The following PDE1A variants were observed in gnomAD, a reference collection of about 807,000 sequenced individuals.
The protein encoded by PDE1A is dual specificity calcium/calmodulin-dependent 3',5'-cyclic nucleotide phosphodiesterase 1A.
In PDE1A, 35 loss-of-function variants were observed where a neutral mutation model predicts 61.7. That is an observed-to-expected ratio of 0.57 (90% CI 0.43 to 0.75). PDE1A has a LOEUF of 0.75. PDE1A is among the 30% of genes least tolerant of loss of function. The pLI, the probability that PDE1A is intolerant of heterozygous loss-of-function variation, is 0.00. For synonymous variants in PDE1A, 232 were observed against 213.2 expected (o/e 1.09, Z -0.77); for missense variants, 597 against 630.6 (o/e 0.95, Z 0.57).
intron 1 of PDE1A, among the ~76,000 whole-genome samples, chr2:182,387,235 T>A (rs1013945967): frequency 3.3e-5 from 5 of 151,734 alleles, no homozygotes; most frequent in Admixed American, 3.3e-4. Flanking sequence ...TCGTTAAGAG[T>A]CATCACCACT....
the PDE1A span, among the ~76,000 whole-genome samples, chr2:182,549,241 T>C: frequency 2.6e-5 from 4 of 152,138 alleles, no homozygotes; most frequent in Non-Finnish European, 5.9e-5. Flanking sequence ...CGATTTCTAT[T>C]GTATGTTTCA....
chr2:182,707,629 T>C, the PDE1A span, among the ~76,000 whole-genome samples: 1 of 152,160 alleles, frequency 6.6e-6, no homozygotes, highest in Non-Finnish European at 1.5e-5. Flanking sequence ...AGAAATTACA[T>C]ACATAATTTT....
upstream of PDE1A, among the ~76,000 whole-genome samples, chr2:182,525,004 A>C (rs1345952562): frequency 6.6e-6 from 1 of 151,868 alleles, no homozygotes; most frequent in Non-Finnish European, 1.5e-5. Context: ...TATACTCTAA[A>C]TCTAGACTAC....
chr2:182,586,878 T>C, the PDE1A span, among the ~76,000 whole-genome samples: 3 of 152,222 alleles, frequency 2.0e-5, no homozygotes, highest in Non-Finnish European at 4.4e-5. Flanking sequence ...GGTTGCCCTA[T>C]CCTAAAGTCT....
the PDE1A span, among the ~76,000 whole-genome samples, chr2:182,637,981 G>A: frequency 3.3e-5 from 5 of 151,910 alleles, no homozygotes; most frequent in Admixed American, 6.6e-5. Context: ...TATCACAGAC[G>A]GGAAGAAACA....
intron 13 of PDE1A, among the ~76,000 whole-genome samples, chr2:182,185,167 T>C (rs1305116451): frequency 2.0e-5 from 3 of 152,052 alleles, no homozygotes; most frequent in Non-Finnish European, 4.4e-5. Flanking sequence ...ACAAAGACCC[T>C]GGAGTATTTT....
chr2:182,179,138 A>G (rs1040093940), intron 13 of PDE1A, among the ~76,000 whole-genome samples: 2 of 152,202 alleles, frequency 1.3e-5, no homozygotes, highest in Non-Finnish European at 2.9e-5. Flanking sequence ...GCTAGAAACT[A>G]TGTTTGGTCA....
chr2:182,209,418 T>C (rs1281704854), intron 7 of PDE1A, among the ~76,000 whole-genome samples: 2 of 151,612 alleles, frequency 1.3e-5, no homozygotes, highest in Non-Finnish European at 2.9e-5. Context: ...CAATTCAACA[T>C]GAGATTTGGA....
At chr2:182,506,860 C>A (rs1032655516) in intron 2 of PDE1A, among the ~76,000 whole-genome samples, 3 of 152,172 alleles carry the variant, frequency 2.0e-5, no homozygotes, top group Non-Finnish European at 4.4e-5. Context: ...AGGATATGAA[C>A]CATCTTCTTT....
chr2:182,490,018 GAGA>G (rs199545201), intron 2 of PDE1A, among the ~76,000 whole-genome samples: 634 of 57,206 alleles, frequency 0.011, 2 homozygotes, highest in African/African-American at 0.052. Flanking sequence ...AAAGAAAACT[GAGA>G]AGGAGTAGCC....
the PDE1A span, among the ~76,000 whole-genome samples, chr2:182,534,497 C>A: frequency 6.6e-6 from 1 of 151,658 alleles, no homozygotes; most frequent in East Asian, 1.9e-4. Context: ...TAAATTTTTT[C>A]TTTCAAATTA....
rs570761436 is a variant in PDE1A, at chr2:182,324,941, ACT to A, written c.54-60529_54-60528del. Among the ~76,000 whole-genome samples, 577 of 152,320 alleles carry A rather than the reference ACT, an allele frequency of 3.8e-3. 3 individuals carry two copies. The highest frequency in any genetic ancestry group is 0.012 in the African/African-American group (488 of 41,568). ...TATCACAACAAATTCTGAGGTAGACACTATTACTCCTGCAGCTCAGAAAGGTT... is the reference window on the plus strand; with the variant it reads ...TATCACAACAAATTCTGAGGTAGACAATTACTCCTGCAGCTCAGAAAGGTT... On this transcript the variant is annotated intron_variant, in intron 1 of 13. Transcript: ENST00000351439.
rs114232269 is a variant in PDE1A, at chr2:182,409,063, A to G, written c.53+17515T>C. ...ATTATTGGTCACTTCCTGCTCCGAA[A>G]CTCTCCATTCTTTCTTCATTCTTCT... is the stretch of plus-strand genomic sequence containing the variant. On this transcript the variant is annotated intron_variant, in intron 1 of 13. Coordinates refer to ENST00000351439, the Ensembl canonical transcript of PDE1A. Among the ~76,000 whole-genome samples, 1,421 of 151,304 alleles carry G rather than the reference A, an allele frequency of 9.4e-3. 25 individuals carry two copies. Among genetic ancestry groups the G allele is most frequent in the African/African-American group, 0.032 (1,330 of 41,202 alleles).
At chr2:182,676,937 G>A in the PDE1A span, among the ~76,000 whole-genome samples, 1 of 152,126 alleles carries the variant, frequency 6.6e-6, no homozygotes, top group Non-Finnish European at 1.5e-5. Context: ...AGCCATCTAT[G>A]ACAGACCCAC....
At chr2:182,297,245 G>T (rs1439292915) in intron 1 of PDE1A, among the ~76,000 whole-genome samples, 1 of 151,264 alleles carries the variant, frequency 6.6e-6, no homozygotes, top group East Asian at 2.0e-4. Context: ...ATTACACAAA[G>T]CTTCCACTGT....
intron 1 of PDE1A, among the ~76,000 whole-genome samples, chr2:182,338,391 GTTCTT>G (rs751940083): frequency 2.6e-5 from 4 of 152,016 alleles, no homozygotes; most frequent in African/African-American, 7.2e-5. Flanking sequence ...TAACATGAGA[GTTCTT>G]TTCTTGTTGG....
At chr2:182,543,655 C>T in the PDE1A span, among the ~76,000 whole-genome samples, 3 of 151,366 alleles carry the variant, frequency 2.0e-5, no homozygotes, top group Non-Finnish European at 2.9e-5. Context: ...ATGTCCTTGA[C>T]AAATTAAACA....
At chr2:182,572,599 T>C in the PDE1A span, among the ~76,000 whole-genome samples, 2 of 152,124 alleles carry the variant, frequency 1.3e-5, no homozygotes, top group African/African-American at 4.8e-5. Context: ...AAGTGAAAGA[T>C]AGGCCAGGCG....
intron 2 of PDE1A, among the ~76,000 whole-genome samples, chr2:182,515,994 G>GTGTGTA (rs1553636542): frequency 0.031 from 4,536 of 145,702 alleles, 112 homozygotes; most frequent in South Asian, 0.062. Flanking sequence ...GTGTGTGTGT[G>GTGTGTA]TGTGTGTGTT....
Sources: gnomAD v4.1 joint callset for allele counts (sites outside exome capture counted in the v4.1 genomes callset) on GRCh38, gnomAD v4.1.1 for gene constraint, MANE v1.5 for transcripts, NCBI Gene and HGNC (gene_info 2026-07-23, HGNC 2026-07-21) for gene names.